Variants in IFT22 observed in about 807,000 individuals in gnomAD.
IFT22 encodes the protein intraflagellar transport protein 22 homolog.
IFT22 carries 13 observed loss-of-function variants against 21.0 expected under a neutral mutation model. That is an observed-to-expected ratio of 0.62 (90% CI 0.40 to 0.98). The LOEUF is 0.98. Ranked by LOEUF, IFT22 falls within the 50% of genes least tolerant of loss-of-function variation. IFT22 has a pLI of 0.00. For synonymous variants in IFT22, 67 were observed against 82.4 expected, an observed-to-expected ratio of 0.81 and a Z score of 1.01; for missense variants, 227 against 228.9, an observed-to-expected ratio of 0.99 and a Z score of 0.06.
intron 1 of IFT22, among the ~76,000 whole-genome samples, chr7:101,320,510 C>G (rs373226242): frequency 6.9e-6 from 1 of 145,608 alleles, no homozygotes; most frequent in Non-Finnish European, 1.5e-5. Flanking sequence ...ATGCCTGCCT[C>G]GGCCTCCCAA....
At position 101,313,825 on chromosome 7, in the gene IFT22, A is replaced by G. The variant is rs1207846582; in HGVS notation, c.*1309T>C. 3 of 152,136 alleles carry G rather than the reference A, an allele frequency of 2.0e-5. No individual in the cohort carries two copies. The highest frequency in any genetic ancestry group is 4.4e-5 in the Non-Finnish European group (3 of 68,032). The allele number at this position is 152,136 out of a possible 1,614,324, so 9.4% of individuals were successfully genotyped here. The stretch of plus-strand genomic sequence containing the variant: ...CCCTCATTATCTGAGGGAGGGCAGC[A>G]TATGAAACTTATTTAGACTTCTTCT... On this transcript the variant is annotated 3_prime_UTR_variant, in exon 5 of 5. Coordinates refer to ENST00000315322, the MANE Select transcript of IFT22 (RefSeq NM_022777.4).
In IFT22 at chr7:101,318,986, A is replaced by G. The variant is rs139011995; in HGVS notation, c.86T>C (p.Ile29Thr). The G allele has an allele frequency of 1.5e-5, 25 of 1,613,830 alleles. No individual in the cohort carries two copies. In the African/African-American group the frequency reaches 3.1e-4, roughly 20 times the overall value. Reference sequence around the variant, plus strand: ...TCCTTGGGTTGGGCTGTATTCAGTGATGTCAGAAGATTCTGTCAGAAAGTT... The same window carrying G: ...TCCTTGGGTTGGGCTGTATTCAGTGGTGTCAGAAGATTCTGTCAGAAAGTT... ...LANFLTESSD[I>T]TEYSPTQGVR... The change falls in exon 2 of 5, where the codon ATC becomes ACC. Residue 29 changes from isoleucine (I) to threonine (T), a missense_variant. Coordinates refer to ENST00000315322, the MANE Select transcript of IFT22 (RefSeq NM_022777.4).
At chr7:101,319,503 A>T (rs183941363) in intron 1 of IFT22, among the ~76,000 whole-genome samples, 6,654 of 152,108 alleles carry the variant, frequency 0.044, 248 homozygotes, top group African/African-American at 0.096. Flanking sequence ...GTTTATAGGG[A>T]TGAGCCACTG....
chr7:101,321,729 G>T lies in IFT22; in HGVS notation c.-20C>A. 6.3e-7 allele frequency: 1 copy of T among 1,586,882 alleles called. No individual in the cohort carries two copies. Among genetic ancestry groups the T allele is most frequent in the African/African-American group, 1.3e-5 (1 of 74,280 alleles). On this transcript the variant is annotated 5_prime_UTR_variant, in exon 1 of 5. Coordinates refer to ENST00000315322, the MANE Select transcript of IFT22 (RefSeq NM_022777.4). ...CAGCATAGTTGTCCGCCGCGGCTTAGCCGGCCGGAGCCCACGGGAGGCGGC... is the reference window on the plus strand; with the variant it reads ...CAGCATAGTTGTCCGCCGCGGCTTATCCGGCCGGAGCCCACGGGAGGCGGC...
chr7:101,321,441 G>A (rs28719520), intron 1 of IFT22: 72,664 of 546,408 alleles, frequency 0.13, 5,722 homozygotes, highest in Admixed American at 0.29. Context: ...GGCCTTCGGG[G>A]CTCATTAACA....
intron 2 of IFT22, 161 bp downstream of exon 2, chr7:101,318,795 C>G: frequency 3.4e-6 from 2 of 586,978 alleles, no homozygotes; most frequent in South Asian, 4.0e-5. Context: ...TGCCAACACA[C>G]CTGGCTAATG....
intron 4 of IFT22, 106 bp downstream of exon 4, chr7:101,316,234 G>T: frequency 9.7e-7 from 1 of 1,030,488 alleles, no homozygotes; most frequent in East Asian, 2.4e-5. Context: ...GGGTACAGTA[G>T]GTGCTCAGTA....
In IFT22 at chr7:101,313,653, C is replaced by T. The variant is rs1247492200; in HGVS notation, c.*1481G>A. On this transcript the variant is annotated 3_prime_UTR_variant, in exon 5 of 5. Transcript: ENST00000315322. Reference sequence around the variant, plus strand: ...GCCAGGCACTTCAAATTTTTTGTCTCTGTGTGTCTGCGAATAACTGAGAAA... The same window carrying T: ...GCCAGGCACTTCAAATTTTTTGTCTTTGTGTGTCTGCGAATAACTGAGAAA... 4 of 152,214 alleles carry T rather than the reference C, an allele frequency of 2.6e-5. No individual in the cohort carries two copies. Among genetic ancestry groups the T allele is most frequent in the East Asian group, 1.9e-4 (1 of 5,156 alleles). The allele number at this position is 152,214 out of a possible 1,614,324, so 9.4% of individuals were successfully genotyped here. A position where few individuals can be genotyped will look rare whatever the true frequency, so the allele number is the denominator to read the frequency against.
In IFT22 at chr7:101,318,165, C is replaced by T. The variant is rs149034136; in HGVS notation, c.165G>A (p.Thr55=). 473 of 1,613,382 alleles carry T rather than the reference C, an allele frequency of 2.9e-4. No homozygotes were observed. Among genetic ancestry groups the T allele is most frequent in the African/African-American group, 1.9e-3 (141 of 74,996 alleles). The change falls in exon 3 of 5, where the codon ACG becomes ACA. Residue 55 remains threonine (T), a synonymous_variant. Transcript: ENST00000315322. ...NPHVTSNNKG[T]GCEFELWDCG... is the part of the protein sequence containing the mutation. Reference sequence around the variant, plus strand: ...AGTCCCATAGCTCGAATTCACAGCCCGTGCCTTTGTTGTTGCTGGTAACAT... The same window carrying T: ...AGTCCCATAGCTCGAATTCACAGCCTGTGCCTTTGTTGTTGCTGGTAACAT...
In IFT22 at chr7:101,311,212, C is replaced by G. The variant is rs1211620170; in HGVS notation, c.*3922G>C. 1.3e-5 allele frequency among the ~76,000 whole-genome samples: 2 copies of G among 151,952 alleles called. No individual in the cohort carries two copies. The highest frequency in any genetic ancestry group is 2.9e-5 in the Non-Finnish European group (2 of 67,996). ...GTTTCACTGTTAGCCAGGATGGTCT[C>G]GATCTCTTAACCTCGTAATCCACCC... On this transcript the variant is annotated 3_prime_UTR_variant, in exon 5 of 5. Transcript: ENST00000315322.
At position 101,313,080 on chromosome 7, in the gene IFT22, C is replaced by T. The variant is rs1011483885; in HGVS notation, c.*2054G>A. Among the ~76,000 whole-genome samples the T allele has an allele frequency of 2.0e-5, 3 of 152,094 alleles. No homozygotes were observed. The highest frequency in any genetic ancestry group is 2.1e-4 in the South Asian group (1 of 4,828). On this transcript the variant is annotated 3_prime_UTR_variant, in exon 5 of 5. Transcript: ENST00000315322. ...AACTCCTGACCTCAGGATTTCCACC[C>T]GTCTCAGACTCCCAAAGTGTTGGGA...
chr7:101,316,747 C>G (rs11764647), intron 3 of IFT22, among the ~76,000 whole-genome samples: 2,171 of 152,090 alleles, frequency 0.014, 29 homozygotes, highest in Middle Eastern at 0.02. Flanking sequence ...CACGGTGAAA[C>G]CCCGTCTCTA....
At position 101,313,154 on chromosome 7, in the gene IFT22, A is replaced by T. The variant is rs1174955016; in HGVS notation, c.*1980T>A. Among the ~76,000 whole-genome samples, 1 of 151,758 alleles carries T rather than the reference A, an allele frequency of 6.6e-6. No homozygotes were observed. Among genetic ancestry groups the T allele is most frequent in the Non-Finnish European group, 1.5e-5 (1 of 67,932 alleles). ...CGGCCTCCAGGCTCAAGCAATTCTT[A>T]TGCCTCAGCCACATGAGTAGCTGGT... On this transcript the variant is annotated 3_prime_UTR_variant, in exon 5 of 5. Coordinates refer to ENST00000315322, the MANE Select transcript of IFT22 (RefSeq NM_022777.4).
In IFT22 at chr7:101,316,531, C is replaced by T. The variant is rs1215755435; in HGVS notation, c.218G>A (p.Cys73Tyr). Residue 73 changes from cysteine to tyrosine, a missense_variant, in exon 4 of 5, where the codon TGC (cysteine) becomes TAC (tyrosine). By Grantham distance (194) the Cys-to-Tyr change is radical. Transcript: ENST00000315322. ...AGCATCCTTCATCAGGGCCGGCCAG[C>T]AGGACTCAAACCTGCGAGGAAGAAA... ...DCGGDAKFES[C>Y]WPALMKDAHG... is the part of the protein sequence containing the mutation. The T allele has an allele frequency of 5.0e-6, 8 of 1,614,046 alleles. No homozygotes were observed. Among genetic ancestry groups the T allele is most frequent in the Non-Finnish European group, 6.8e-6 (8 of 1,180,012 alleles).
At chr7:101,316,153 C>G in intron 4 of IFT22, 187 bp downstream of exon 4, 1 of 590,976 alleles carries the variant, frequency 1.7e-6, no homozygotes, top group South Asian at 2.0e-5. Context: ...CGCCTGCCAT[C>G]ATGCCTGGCT....
At chr7:101,321,244 G>T (rs1790338131) in intron 1 of IFT22, among the ~76,000 whole-genome samples, 1 of 152,090 alleles carries the variant, frequency 6.6e-6, no homozygotes, top group South Asian at 2.1e-4. Flanking sequence ...GACTGCTTGA[G>T]CCCAGGGAAG....
Position 101,310,988 on chromosome 7 carries a change from AATTT to A in IFT22, c.*4142_*4145del. ...TCAGGTGAACAAAATCTGCTGGGTT[AATTT>A]TTTTTTTTTTTTTTTTTTTGAGATG... On this transcript the variant is annotated 3_prime_UTR_variant, in exon 5 of 5. Coordinates refer to ENST00000315322, the MANE Select transcript of IFT22 (RefSeq NM_022777.4). The A allele has an allele frequency of 3.8e-6, 1 of 264,594 alleles. No individual in the cohort carries two copies. 16.4% of individuals were successfully genotyped at this position (264,594 alleles called of 1,614,324 possible). A position where few individuals can be genotyped will look rare whatever the true frequency, so the allele number is the denominator to read the frequency against.
intron 1 of IFT22, 118 bp downstream of exon 1, chr7:101,321,553 G>T: frequency 3.7e-6 from 4 of 1,073,314 alleles, no homozygotes; most frequent in Non-Finnish European, 5.3e-6. Flanking sequence ...GATGGGCGCG[G>T]TGGGCCCGGG....
chr7:101,315,712 C>CA (rs1389765293), intron 4 of IFT22: 2 of 202,354 alleles, frequency 9.9e-6, no homozygotes, highest in Non-Finnish European at 2.0e-5. Context: ...TTTTTTGAAA[C>CA]AGAGTTTCAC....
Sources: gnomAD v4.1 joint callset for allele counts (sites outside exome capture counted in the v4.1 genomes callset) on GRCh38, gnomAD v4.1.1 for gene constraint, MANE v1.5 for transcripts, NCBI Gene and HGNC (gene_info 2026-07-23, HGNC 2026-07-21) for gene names.